The following SATB2 variants were observed in gnomAD, a reference collection of about 807,000 sequenced individuals.
SATB2 encodes the protein DNA-binding protein SATB2.
In SATB2, 1 loss-of-function variant was observed where a neutral mutation model predicts 73.4. That is an observed-to-expected ratio of 0.01 (90% CI 0.00 to 0.06). The LOEUF is 0.06. Ranked by LOEUF, SATB2 falls within the 10% of genes least tolerant of loss-of-function variation. The probability of loss-of-function intolerance (pLI) is 1.00; values close to 1 mark genes in which losing one functional copy is unlikely to be tolerated. For synonymous variants in SATB2, 397 were observed against 367.0 expected (o/e 1.08, Z -0.93); for missense variants, 459 against 945.8 (o/e 0.49, Z 6.75).
At chr2:199,316,219 CTT>C (rs1687731912) in intron 9 of SATB2, among the ~76,000 whole-genome samples, 1 of 151,670 alleles carries the variant, frequency 6.6e-6, no homozygotes, top group African/African-American at 2.4e-5. Context: ...ATATTCAGCT[CTT>C]GTTTCTTCGT....
At chr2:199,320,472 G>T (rs942123982) in intron 9 of SATB2, among the ~76,000 whole-genome samples, 2 of 152,102 alleles carry the variant, frequency 1.3e-5, no homozygotes, top group East Asian at 1.9e-4. Context: ...CGAAGAAAGG[G>T]GCAAGGGCCT....
chr2:199,360,428 C>T (rs1349240743), intron 6 of SATB2, among the ~76,000 whole-genome samples: 1 of 152,110 alleles, frequency 6.6e-6, no homozygotes, highest in African/African-American at 2.4e-5. Context: ...CAGGTGTTCT[C>T]ACCACCAAGC....
At chr2:199,311,588 G>A (rs773571212) in intron 9 of SATB2, among the ~76,000 whole-genome samples, 23 of 152,058 alleles carry the variant, frequency 1.5e-4, no homozygotes, top group Non-Finnish European at 2.9e-4. Context: ...CCTAAAGGCC[G>A]TTATTCCCTC....
chr2:199,275,686 A>C (rs1189581224), intron 10 of SATB2, among the ~76,000 whole-genome samples: 1 of 152,206 alleles, frequency 6.6e-6, no homozygotes, highest in East Asian at 1.9e-4. Context: ...AATTATCTAC[A>C]AAGTGAAATA....
At chr2:199,395,515 A>G (rs1690273808) in intron 3 of SATB2, among the ~76,000 whole-genome samples, 1 of 152,140 alleles carries the variant, frequency 6.6e-6, no homozygotes, top group African/African-American at 2.4e-5. Context: ...GTCATAATCA[A>G]CCAGAAACCA....
intron 2 of SATB2, among the ~76,000 whole-genome samples, chr2:199,435,144 G>T (rs1354566502): frequency 1.3e-5 from 2 of 151,942 alleles, no homozygotes; most frequent in African/African-American, 2.4e-5. Context: ...CACTCTCCAT[G>T]GTGTAGATTT....
At chr2:199,329,201 T>G (rs1381706336) in intron 7 of SATB2, 3 of 431,286 alleles carry the variant, frequency 7.0e-6, no homozygotes, top group African/African-American at 2.0e-5. Flanking sequence ...ATTGTGAAAC[T>G]GCAATTACCA....
At chr2:199,365,506 T>A (rs1689257345) in intron 6 of SATB2, among the ~76,000 whole-genome samples, 1 of 152,068 alleles carries the variant, frequency 6.6e-6, no homozygotes. Flanking sequence ...TCTTTGAAAT[T>A]AAAGAAAAAA....
chr2:199,410,577 T>C (rs1414511310), intron 3 of SATB2, among the ~76,000 whole-genome samples: 1 of 152,252 alleles, frequency 6.6e-6, no homozygotes, highest in East Asian at 1.9e-4. Flanking sequence ...TTAATGTCTT[T>C]ACCAATCTCC....
chr2:199,428,840 T>C (rs1349886354), intron 3 of SATB2, among the ~76,000 whole-genome samples: 2 of 151,888 alleles, frequency 1.3e-5, no homozygotes, highest in East Asian at 3.9e-4. Flanking sequence ...ATACTTCGTC[T>C]CTACAAAAAA....
intron 3 of SATB2, among the ~76,000 whole-genome samples, chr2:199,411,571 T>TCATGGAGG (rs1453440627): frequency 6.6e-6 from 1 of 152,198 alleles, no homozygotes; most frequent in Non-Finnish European, 1.5e-5. Flanking sequence ...AAACTGAAGT[T>TCATGGAGG]CATGGAGGTC....
At chr2:199,430,152 C>T (rs897499706) in intron 3 of SATB2, among the ~76,000 whole-genome samples, 1 of 152,094 alleles carries the variant, frequency 6.6e-6, no homozygotes, top group African/African-American at 2.4e-5. Flanking sequence ...TCCATGGCTA[C>T]TGCCAAAAGC....
chr2:199,336,389 C>T (rs1446639), intron 7 of SATB2, among the ~76,000 whole-genome samples: 152,253 of 152,286 alleles, frequency 1, 76,110 homozygotes, highest in Non-Finnish European at 1. Flanking sequence ...ATGAATGTTC[C>T]GTAAAACAAC....
rs548201582 is a variant in SATB2, at chr2:199,395,088, C to CT, written c.347-13269dup. On this transcript the variant is annotated intron_variant, in intron 3 of 10. Transcript: ENST00000417098. The stretch of plus-strand genomic sequence containing the variant: ...ACTGATTTCCTTCATGTCTAATTTT[C>CT]TTTTTTTTTTTGAGACGGAGTCTCA... Among the ~76,000 whole-genome samples, 245 of 146,134 alleles carry CT rather than the reference C, an allele frequency of 1.7e-3. 2 individuals carry two copies. Among genetic ancestry groups the CT allele is most frequent in the African/African-American group, 3.9e-3 (157 of 40,138 alleles).
Position 199,272,365 on chromosome 2 carries a change from G to A in SATB2, c.2048C>T (p.Ala683Val), listed in dbSNP as rs1451743452. Residue 683 changes from alanine (A) to valine (V), a missense_variant, in exon 11 of 11, where the codon GCG (alanine) becomes GTG (valine). Around this residue, in one of 13 missense-constraint regions of SATB2, gnomAD observed 13 missense variants for 18.1 expected, o/e 0.72. Transcript: ENST00000417098. The surrounding 1 kb of genome is among the most constrained non-coding windows in gnomAD (Gnocchi z 6.7). ...HGKLKEHLGS[A>V]VDVAEYKDEE... ...GTCCTTATATTCAGCCACGTCCACC[G>A]CGGAGCCCAGGTGCTCTTTCAGCTT... is the stretch of plus-strand genomic sequence containing the variant. 8 of 1,614,156 alleles carry A rather than the reference G, an allele frequency of 5.0e-6. No individual in the cohort carries two copies. Among genetic ancestry groups the A allele is most frequent in the Middle Eastern group, 1.6e-4 (1 of 6,062 alleles).
chr2:199,278,398 T>C (rs1692383250), intron 10 of SATB2, among the ~76,000 whole-genome samples: 1 of 152,218 alleles, frequency 6.6e-6, no homozygotes, highest in Admixed American at 6.5e-5. Context: ...ATCAGCCACA[T>C]TTTAAGTGCC....
At chr2:199,325,861 T>C (rs1238821729) in intron 8 of SATB2, 1 of 152,190 alleles carries the variant, frequency 6.6e-6, no homozygotes, top group Non-Finnish European at 1.5e-5. Flanking sequence ...GTAAGCGTTT[T>C]AACAAATGAT....
At chr2:199,411,345 C>G (rs984622887) in intron 3 of SATB2, among the ~76,000 whole-genome samples, 1 of 152,136 alleles carries the variant, frequency 6.6e-6, no homozygotes, top group East Asian at 1.9e-4. Context: ...TCCCCCTTAA[C>G]TTTCCTTGCT....
chr2:199,329,856 G>A (rs1294469469), intron 7 of SATB2, among the ~76,000 whole-genome samples: 2 of 152,288 alleles, frequency 1.3e-5, no homozygotes, highest in African/African-American at 4.8e-5. Flanking sequence ...CTGGGGGTAG[G>A]TGCAGGTCTA....
Sources: allele counts gnomAD v4.1 joint callset (sites outside exome capture counted in the v4.1 genomes callset), GRCh38; gene constraint gnomAD v4.1.1; regional missense constraint gnomAD v4.1.1; non-coding constraint Gnocchi (gnomAD v3.1); transcripts MANE v1.5; gene names NCBI Gene and HGNC (gene_info 2026-07-23, HGNC 2026-07-21).